The following IMMP2L variants were observed in gnomAD, a reference collection of about 807,000 sequenced individuals.
The protein encoded by IMMP2L is inner mitochondrial membrane peptidase subunit 2, also known as mitochondrial inner membrane protease subunit 2.
Under a neutral mutation model 19.3 loss-of-function variants are expected in IMMP2L, and 18 were observed. The ratio of observed to expected loss-of-function variants is 0.93; its 90% CI spans 0.64 to 1.38. The LOEUF (loss-of-function observed/expected upper bound fraction) is 1.38, where lower values mean the gene tolerates loss of function less well. Among genes scored for constraint, IMMP2L ranks in the 40% most tolerant of loss-of-function variants. The pLI is 0.00. For synonymous variants in IMMP2L, 76 were observed against 73.0 expected (o/e 1.04, Z -0.21); for missense variants, 233 against 218.2 (o/e 1.07, Z -0.43).
Position 110,803,378 on chromosome 7 carries a change from G to A in IMMP2L, c.408+83215C>T, listed in dbSNP as rs1364195889. ...TGGACTCAATTTGATCTGCCATAGA[G>A]AGACACTGAGTGTGGAATCATTACT... On this transcript the variant is annotated intron_variant, in intron 5 of 5. Coordinates refer to ENST00000405709, the MANE Select transcript of IMMP2L (RefSeq NM_032549.4). The surrounding 1 kb of genome is among the most constrained non-coding windows in gnomAD (Gnocchi z 4.2). 6.6e-6 allele frequency among the ~76,000 whole-genome samples: 1 copy of A among 152,062 alleles called. No homozygotes were observed. The highest frequency in any genetic ancestry group is 1.5e-5 in the Non-Finnish European group (1 of 67,984).
At chr7:111,228,995 G>C (rs1321526813) in intron 3 of IMMP2L, among the ~76,000 whole-genome samples, 2 of 151,196 alleles carry the variant, frequency 1.3e-5, no homozygotes, top group African/African-American at 4.9e-5. Flanking sequence ...GTGTGTGTGT[G>C]TGTGTGTGTG....
intron 2 of IMMP2L, among the ~76,000 whole-genome samples, chr7:111,503,005 C>A (rs1844462275): frequency 1.3e-5 from 2 of 151,278 alleles, no homozygotes; most frequent in Non-Finnish European, 3.0e-5. Context: ...ACACAAAAAA[C>A]CCTTCAAAAA....
chr7:111,403,343 C>A (rs1026047740), intron 3 of IMMP2L, among the ~76,000 whole-genome samples: 1 of 151,938 alleles, frequency 6.6e-6, no homozygotes, highest in Non-Finnish European at 1.5e-5. Context: ...TGAGGCATTT[C>A]CAGCCATGTA....
rs1364721519 is a variant in IMMP2L at position 111,401,334 on chromosome 7, G to A, written c.239+85904C>T. On this transcript the variant is annotated intron_variant, in intron 3 of 5. Transcript: ENST00000405709. The stretch of plus-strand genomic sequence containing the variant: ...TTATGGGGGAGCAAAGGCAATTAAA[G>A]TCAATTTTCTGCCTCCAAGGAGTGT... 2.6e-5 allele frequency among the ~76,000 whole-genome samples: 4 copies of A among 152,248 alleles called. No homozygotes were observed. In the East Asian group the frequency reaches 5.8e-4, roughly 22 times the overall value.
intron 3 of IMMP2L, among the ~76,000 whole-genome samples, chr7:111,239,718 C>A (rs138174272): frequency 2.5e-4 from 38 of 151,930 alleles, no homozygotes; most frequent in African/African-American, 8.7e-4. Context: ...CAACTCTGAT[C>A]AATTTGGCAA....
At chr7:111,435,759 C>T (rs960232664) in intron 3 of IMMP2L, among the ~76,000 whole-genome samples, 9 of 151,864 alleles carry the variant, frequency 5.9e-5, no homozygotes, top group African/African-American at 2.2e-4. Flanking sequence ...ATTATAGAAG[C>T]AGCCAGCCAA....
At chr7:110,945,585 T>C (rs1009235558) in intron 4 of IMMP2L, among the ~76,000 whole-genome samples, 8 of 152,010 alleles carry the variant, frequency 5.3e-5, no homozygotes, top group African/African-American at 1.9e-4. Flanking sequence ...CCAAAATGTA[T>C]GTACTGACAG....
At chr7:110,784,328 C>T (rs139087188) in intron 5 of IMMP2L, among the ~76,000 whole-genome samples, 72 of 152,008 alleles carry the variant, frequency 4.7e-4, no homozygotes, top group African/African-American at 1.5e-3. Flanking sequence ...AATCATGTAA[C>T]GACTGCATCT....
chr7:110,762,450 C>T (rs957099625), intron 5 of IMMP2L, among the ~76,000 whole-genome samples: 21 of 152,048 alleles, frequency 1.4e-4, no homozygotes, highest in Admixed American at 2.0e-4. Context: ...CTGTGTATAA[C>T]GAACATGTTC....
chr7:111,138,181 A>G (rs938885169), intron 3 of IMMP2L, among the ~76,000 whole-genome samples: 2 of 152,148 alleles, frequency 1.3e-5, no homozygotes, highest in African/African-American at 4.8e-5. Context: ...AAGGTACTCC[A>G]TTCATTCTTT....
intron 3 of IMMP2L, among the ~76,000 whole-genome samples, chr7:110,986,792 G>C (rs1821905768): frequency 6.6e-6 from 1 of 151,256 alleles, no homozygotes; most frequent in African/African-American, 2.4e-5. Context: ...CTATCACTAG[G>C]GTGGATTGAA....
intron 3 of IMMP2L, among the ~76,000 whole-genome samples, chr7:111,060,964 TC>T (rs1793961646): frequency 6.6e-6 from 1 of 152,226 alleles, no homozygotes; most frequent in African/African-American, 2.4e-5. Flanking sequence ...GACCCAATGT[TC>T]CTTTTTAAAA....
Position 110,665,147 on chromosome 7 carries a change from T to C in IMMP2L, c.409-1426A>G, listed in dbSNP as rs1562900184. On this transcript the variant is annotated intron_variant, in intron 5 of 5. Coordinates refer to ENST00000405709, the MANE Select transcript of IMMP2L (RefSeq NM_032549.4). ...GCCCTTGGGCTCAATAAAGGGTTCT[T>C]TTTTTTCTTCTACTTGTTATTTTGA... 2.0e-5 allele frequency: 3 copies of C among 152,200 alleles called. No homozygotes were observed. The South Asian group carries it at 6.2e-4, about 32-fold the overall frequency. The allele number at this position is 152,200 out of a possible 1,614,324, so 9.4% of individuals were successfully genotyped here.
chr7:111,157,680 T>G (rs946422796), intron 3 of IMMP2L, among the ~76,000 whole-genome samples: 1 of 152,054 alleles, frequency 6.6e-6, no homozygotes, highest in African/African-American at 2.4e-5. Flanking sequence ...ACACTGTGTC[T>G]ACAGTCAACA....
chr7:110,969,779 G>C (rs1475342019), intron 3 of IMMP2L, among the ~76,000 whole-genome samples: 1 of 152,064 alleles, frequency 6.6e-6, no homozygotes, highest in African/African-American at 2.4e-5. Context: ...CATTCTCTCA[G>C]AGCATACCCT....
At chr7:110,759,790 A>C (rs2130960716) in intron 5 of IMMP2L, among the ~76,000 whole-genome samples, 1 of 152,268 alleles carries the variant, frequency 6.6e-6, no homozygotes, top group Middle Eastern at 3.4e-3. Context: ...TTATAGCTTC[A>C]ATAATTTCAA....
chr7:110,865,197 A>T lies in IMMP2L; in HGVS notation c.408+21396T>A, dbSNP rs982148820. ...CATTTGCACACACACACACACTGTA[A>T]CTATGCTTATTCATTCATTGTTGGG... On this transcript the variant is annotated intron_variant, in intron 5 of 5. Coordinates refer to ENST00000405709, the MANE Select transcript of IMMP2L (RefSeq NM_032549.4). 6.6e-5 allele frequency among the ~76,000 whole-genome samples: 10 copies of T among 152,180 alleles called. No individual in the cohort carries two copies. In the East Asian group the frequency reaches 1.9e-3, roughly 29 times the overall value.
In IMMP2L at chr7:110,769,355, G is replaced by A. The variant is rs1360225215; in HGVS notation, c.409-105634C>T. ...TTGTACAGAGAACACACATGCTGCT[G>A]CTTTATACCACCATTCATTTGCATA... On this transcript the variant is annotated intron_variant, in intron 5 of 5. Transcript: ENST00000405709. 2.0e-5 allele frequency among the ~76,000 whole-genome samples: 3 copies of A among 152,120 alleles called. No homozygotes were observed. The East Asian group carries it at 5.8e-4, about 29-fold the overall frequency.
intron 5 of IMMP2L, among the ~76,000 whole-genome samples, chr7:110,776,012 C>A (rs1379705219): frequency 2.0e-5 from 3 of 151,474 alleles, no homozygotes; most frequent in East Asian, 3.9e-4. Context: ...AACTTATAAA[C>A]CTCAAAATAT....
Sources: gnomAD v4.1 joint callset for allele counts (sites outside exome capture counted in the v4.1 genomes callset) on GRCh38, gnomAD v4.1.1 for gene constraint, Gnocchi (gnomAD v3.1) non-coding constraint, MANE v1.5 for transcripts, NCBI Gene and HGNC (gene_info 2026-07-23, HGNC 2026-07-21) for gene names.